CHST9: variants seen among roughly 807,000 people sequenced by gnomAD.
CHST9 encodes the protein carbohydrate sulfotransferase 9, also known as GalNAc-4-sulfotransferase 2.
CHST9 carries 41 observed loss-of-function variants against 44.4 expected under a neutral mutation model. That is an observed-to-expected ratio of 0.92 (90% CI 0.72 to 1.20). CHST9 has a LOEUF of 1.20. Among genes scored for constraint, CHST9 ranks in the 50% most tolerant of loss-of-function variants. CHST9 has a pLI of 0.00. For synonymous variants in CHST9, 171 were observed against 178.4 expected, an observed-to-expected ratio of 0.96 and a Z score of 0.33; for missense variants, 504 against 516.5, an observed-to-expected ratio of 0.98 and a Z score of 0.23.
At chr18:27,101,951 C>T (rs916151998) in intron 2 of CHST9, among the ~76,000 whole-genome samples, 4 of 152,156 alleles carry the variant, frequency 2.6e-5, no homozygotes, top group African/African-American at 4.8e-5. Flanking sequence ...AAATTAAAAA[C>T]CACAGGAAAT....
intron 5 of CHST9, chr18:26,928,315 CAT>C (rs781635604): frequency 3.9e-5 from 6 of 152,362 alleles, no homozygotes; most frequent in Non-Finnish European, 5.9e-5. Context: ...GGGCCAGAGA[CAT>C]GGGTCATCCC....
At chr18:27,076,014 A>G (rs1478980457) in intron 2 of CHST9, among the ~76,000 whole-genome samples, 1 of 152,216 alleles carries the variant, frequency 6.6e-6, no homozygotes, top group African/African-American at 2.4e-5. Flanking sequence ...CTGTCCTGCC[A>G]TGGTAACATA....
chr18:26,939,773 C>T (rs994165125), intron 5 of CHST9, among the ~76,000 whole-genome samples: 9 of 152,016 alleles, frequency 5.9e-5, no homozygotes, highest in Admixed American at 4.6e-4. Flanking sequence ...CCTGGGGACT[C>T]GTGGGCAGGG....
chr18:27,178,247 GA>G (rs2058883920), intron 1 of CHST9, among the ~76,000 whole-genome samples: 1 of 151,866 alleles, frequency 6.6e-6, no homozygotes, highest in Admixed American at 6.6e-5. Context: ...AGAATTTTGT[GA>G]TTGTGTCAAA....
At chr18:27,033,889 G>A (rs1242154934) in intron 3 of CHST9, among the ~76,000 whole-genome samples, 1 of 152,082 alleles carries the variant, frequency 6.6e-6, no homozygotes, top group East Asian at 1.9e-4. Context: ...CGCCTCTCAG[G>A]GAATGTGGCA....
rs894150512 is a variant in CHST9 at position 26,914,846 on chromosome 18, G to A, written c.*1413C>T. 3.8e-5 allele frequency: 15 copies of A among 397,418 alleles called. No individual in the cohort carries two copies. Among genetic ancestry groups the A allele is most frequent in the African/African-American group, 2.9e-4 (14 of 48,676 alleles). The allele number at this position is 397,418 out of a possible 1,614,324, so 24.6% of individuals were successfully genotyped here. On this transcript the variant is annotated 3_prime_UTR_variant, in exon 6 of 6. Coordinates refer to ENST00000618847, the MANE Select transcript of CHST9 (RefSeq NM_031422.6). ...TGATAAGAAAAAAATGATAGCTTAG[G>A]AAGAGGAAGATGTTCAGGAAAAGCA...
At chr18:27,159,992 G>A (rs1487188587) in intron 1 of CHST9, among the ~76,000 whole-genome samples, 1 of 152,206 alleles carries the variant, frequency 6.6e-6, no homozygotes, top group African/African-American at 2.4e-5. Context: ...TTGCTTATCA[G>A]CTTAAGGAGA....
At chr18:27,012,530 G>A (rs141938791) in intron 4 of CHST9, among the ~76,000 whole-genome samples, 71 of 152,242 alleles carry the variant, frequency 4.7e-4, no homozygotes, top group African/African-American at 1.7e-3. Flanking sequence ...AGGGGTGGAC[G>A]AGGCAGAGGA....
At chr18:26,956,068 A>G (rs3889349) in intron 4 of CHST9, among the ~76,000 whole-genome samples, 19,370 of 151,940 alleles carry the variant, frequency 0.13, 2,786 homozygotes, top group African/African-American at 0.36. Flanking sequence ...AGGCTGAGGC[A>G]GGTGGATCAC....
intron 2 of CHST9, among the ~76,000 whole-genome samples, chr18:27,138,907 T>C (rs1163488024): frequency 2.0e-5 from 3 of 152,122 alleles, no homozygotes; most frequent in Non-Finnish European, 4.4e-5. Context: ...AAAATAAAAT[T>C]TGTGATAACA....
In CHST9 at chr18:27,144,504, C is replaced by A. The variant is rs577826036; in HGVS notation, c.-96-1599G>T. Among the ~76,000 whole-genome samples, 398 of 152,202 alleles carry A rather than the reference C, an allele frequency of 2.6e-3. 2 individuals are homozygous for A. Among genetic ancestry groups the A allele is most frequent in the Non-Finnish European group, 4.3e-3 (294 of 68,024 alleles). ...GACCAACCTGAGCAGCATGGTGAAA[C>A]CCTGTCTCTACAAAAAATAAAATAG... On this transcript the variant is annotated intron_variant, in intron 1 of 5. Coordinates refer to ENST00000618847, the MANE Select transcript of CHST9 (RefSeq NM_031422.6).
At chr18:27,013,031 C>A (rs925370587) in intron 4 of CHST9, among the ~76,000 whole-genome samples, 33 of 152,174 alleles carry the variant, frequency 2.2e-4, no homozygotes, top group African/African-American at 7.5e-4. Flanking sequence ...CAAACTGGTG[C>A]AGTGGAGTCC....
chr18:26,957,424 C>T (rs2056340207), intron 4 of CHST9, among the ~76,000 whole-genome samples: 2 of 152,216 alleles, frequency 1.3e-5, no homozygotes, highest in East Asian at 1.9e-4. Flanking sequence ...TATCTCAGTA[C>T]GTTTGTCCCA....
At chr18:26,995,392 C>T (rs936200349) in intron 4 of CHST9, among the ~76,000 whole-genome samples, 13 of 147,430 alleles carry the variant, frequency 8.8e-5, no homozygotes, top group South Asian at 6.4e-4. Flanking sequence ...GAGCCAAGAT[C>T]GCGCCACTAC....
At chr18:26,977,731 T>C (rs903925728) in intron 4 of CHST9, among the ~76,000 whole-genome samples, 3 of 152,098 alleles carry the variant, frequency 2.0e-5, no homozygotes, top group African/African-American at 7.2e-5. Flanking sequence ...TGAGAACCAT[T>C]TGCTTTCATT....
chr18:26,919,187 A>C (rs1050045427), intron 5 of CHST9, among the ~76,000 whole-genome samples: 2 of 152,244 alleles, frequency 1.3e-5, no homozygotes, highest in East Asian at 1.9e-4. Context: ...AGGAGCTACA[A>C]TTCAAGATGA....
At chr18:27,162,716 A>AT (rs935360844) in intron 1 of CHST9, among the ~76,000 whole-genome samples, 1 of 151,838 alleles carries the variant, frequency 6.6e-6, no homozygotes, top group Admixed American at 6.6e-5. Context: ...CATTTGTCTA[A>AT]TTTTTTTTCG....
chr18:26,944,159 C>T (rs71353415), intron 5 of CHST9, among the ~76,000 whole-genome samples, 170 bp downstream of exon 5: 27,861 of 152,014 alleles, frequency 0.18, 2,665 homozygotes, highest in East Asian at 0.23. Context: ...ACAAAGAAAG[C>T]GCATGGTCAT....
intron 2 of CHST9, among the ~76,000 whole-genome samples, chr18:27,123,255 C>G (rs76880192): frequency 0.011 from 1,606 of 152,194 alleles, 24 homozygotes; most frequent in African/African-American, 0.034. Flanking sequence ...AGCTGAAACT[C>G]CATTGATCAC....
Sources: gnomAD v4.1 joint callset for allele counts (sites outside exome capture counted in the v4.1 genomes callset) on GRCh38, gnomAD v4.1.1 for gene constraint, MANE v1.5 for transcripts, NCBI Gene and HGNC (gene_info 2026-07-23, HGNC 2026-07-21) for gene names.